Variants in PRKAR2B observed in about 807,000 individuals in gnomAD.
PRKAR2B encodes the protein protein kinase cAMP-dependent type II regulatory subunit beta.
PRKAR2B carries 14 observed loss-of-function variants against 49.9 expected under a neutral mutation model. That is an observed-to-expected ratio of 0.28 (90% CI 0.19 to 0.44). The LOEUF (loss-of-function observed/expected upper bound fraction) is 0.44, where lower values mean the gene tolerates loss of function less well. Among genes scored for constraint, PRKAR2B ranks in the 20% least tolerant of loss-of-function variants. The pLI is 1.00. For missense variants in PRKAR2B, 393 were observed against 537.9 expected (o/e 0.73, Z 2.67); for synonymous variants, 196 against 197.7 (o/e 0.99, Z 0.07).
At chr7:107,154,782 T>A (rs1014110965) in intron 8 of PRKAR2B, among the ~76,000 whole-genome samples, 1 of 152,204 alleles carries the variant, frequency 6.6e-6, no homozygotes, top group Non-Finnish European at 1.5e-5. Context: ...TCAGACTGCA[T>A]CATTGGAGAT....
At chr7:107,058,238 G>A (rs1395224401) in intron 1 of PRKAR2B, among the ~76,000 whole-genome samples, 1 of 152,148 alleles carries the variant, frequency 6.6e-6, no homozygotes, top group African/African-American at 2.4e-5. Flanking sequence ...GAACCTGTAG[G>A]TAGAAGTATT....
At chr7:107,142,428 T>C (rs1795805268) in intron 5 of PRKAR2B, among the ~76,000 whole-genome samples, 1 of 152,200 alleles carries the variant, frequency 6.6e-6, no homozygotes, top group African/African-American at 2.4e-5. Flanking sequence ...ACCTCAGAAA[T>C]GCACCTAAGT....
intron 2 of PRKAR2B, among the ~76,000 whole-genome samples, chr7:107,088,511 C>T (rs555144948): frequency 3.9e-5 from 6 of 152,098 alleles, no homozygotes; most frequent in East Asian, 1.9e-4. Flanking sequence ...ATCATTCTTA[C>T]GTCTTTTGGC....
chr7:107,147,971 A>G (rs920709180), intron 6 of PRKAR2B, among the ~76,000 whole-genome samples: 2 of 152,248 alleles, frequency 1.3e-5, no homozygotes, highest in South Asian at 4.1e-4. Flanking sequence ...CAAAGAGACA[A>G]GACATTTTAC....
At position 107,047,519 on chromosome 7, in the gene PRKAR2B, G is replaced by A. The variant is rs1363194438; in HGVS notation, c.307+2305G>A. Among the ~76,000 whole-genome samples the A allele has an allele frequency of 3.3e-5, 5 of 150,552 alleles. 1 individual carries two copies. The highest frequency in any genetic ancestry group is 3.3e-4 in the Admixed American group (5 of 15,158). On this transcript the variant is annotated intron_variant, in intron 1 of 10. Transcript: ENST00000265717. The stretch of plus-strand genomic sequence containing the variant: ...CTGCAGATCAAGGCCATAGCTTGCC[G>A]ACCCCTGGTTAGAAGAAAAAAAAAA...
At chr7:107,092,866 T>C (rs1019720539) in intron 2 of PRKAR2B, among the ~76,000 whole-genome samples, 1 of 152,176 alleles carries the variant, frequency 6.6e-6, no homozygotes, top group African/African-American at 2.4e-5. Flanking sequence ...ACCTGTTAAA[T>C]ACTTAACTCC....
intron 1 of PRKAR2B, among the ~76,000 whole-genome samples, chr7:107,053,608 C>G (rs1350163337): frequency 6.6e-6 from 1 of 151,136 alleles, no homozygotes; most frequent in African/African-American, 2.4e-5. Flanking sequence ...TTAATTGACT[C>G]AACAGAAGTT....
chr7:107,089,702 C>T (rs1794683848), intron 2 of PRKAR2B, among the ~76,000 whole-genome samples: 1 of 152,174 alleles, frequency 6.6e-6, no homozygotes, highest in Non-Finnish European at 1.5e-5. Context: ...AATTAAAGAT[C>T]TAAGGCCAAC....
intron 2 of PRKAR2B, among the ~76,000 whole-genome samples, chr7:107,111,208 A>C (rs1795165485): frequency 6.6e-6 from 1 of 151,938 alleles, no homozygotes. Context: ...AAGAGTGGGA[A>C]GGACTGTCTC....
chr7:107,097,219 G>C (rs1217913926), intron 2 of PRKAR2B, among the ~76,000 whole-genome samples: 1 of 152,182 alleles, frequency 6.6e-6, no homozygotes, highest in Admixed American at 6.5e-5. Context: ...ATACATTTAG[G>C]ATAGTTAGCT....
Position 107,160,464 on chromosome 7 carries a change from C to T in PRKAR2B, c.*882C>T, listed in dbSNP as rs1293224269. On this transcript the variant is annotated 3_prime_UTR_variant, in exon 11 of 11. Transcript: ENST00000265717. The stretch of plus-strand genomic sequence containing the variant: ...AAGATTTTACACCTAAAAAATCTCT[C>T]CTATCCCAAAAATAATGTGGGATCC... 6.6e-6 allele frequency: 1 copy of T among 152,078 alleles called. No homozygotes were observed. 9.4% of individuals were successfully genotyped at this position (152,078 alleles called of 1,614,324 possible).
At chr7:107,107,074 C>A (rs142856155) in intron 2 of PRKAR2B, among the ~76,000 whole-genome samples, 17 of 152,214 alleles carry the variant, frequency 1.1e-4, no homozygotes, top group Non-Finnish European at 2.4e-4. Context: ...CGGTGGCTCA[C>A]GCCTGTAATC....
chr7:107,085,000 A>G (rs1794590422), intron 2 of PRKAR2B, among the ~76,000 whole-genome samples: 1 of 152,072 alleles, frequency 6.6e-6, no homozygotes, highest in African/African-American at 2.4e-5. Flanking sequence ...GATGCTAACA[A>G]CTGAGGAAGT....
chr7:107,079,462 A>G (rs1055727839), intron 2 of PRKAR2B: 1 of 151,998 alleles, frequency 6.6e-6, no homozygotes, highest in Admixed American at 6.6e-5. Context: ...AAAAACAAAC[A>G]TACCTTATTT....
At chr7:107,074,894 C>A (rs950474187) in intron 2 of PRKAR2B, among the ~76,000 whole-genome samples, 1 of 151,964 alleles carries the variant, frequency 6.6e-6, no homozygotes, top group East Asian at 1.9e-4. Context: ...AAGAAATAAT[C>A]CTGTTGCTTC....
Position 107,044,922 on chromosome 7 carries a change from C to G in PRKAR2B, c.15C>G (p.Ile5Met). 2 of 1,597,952 alleles carry G rather than the reference C, an allele frequency of 1.3e-6. No homozygotes were observed. Among genetic ancestry groups the G allele is most frequent in the Non-Finnish European group, 1.7e-6 (2 of 1,174,668 alleles). The change falls in exon 1 of 11, where the codon ATC (isoleucine) becomes ATG (methionine). Residue 5 changes from isoleucine to methionine, a missense_variant. Ile to Met is a conservative substitution (Grantham distance 10). This residue lies in a region of PRKAR2B where 160 missense variants were observed against 147.6 expected (regional missense o/e 1.08). Coordinates refer to ENST00000265717, the MANE Select transcript of PRKAR2B (RefSeq NM_002736.3). MSIE[I>M]PAGLTELLQG... ...CCGGAGGCAGGATGAGCATCGAGAT[C>G]CCGGCGGGACTGACGGAGCTGCTGC...
chr7:107,124,907 G>T (rs893562528), intron 3 of PRKAR2B, among the ~76,000 whole-genome samples: 1 of 151,976 alleles, frequency 6.6e-6, no homozygotes, highest in African/African-American at 2.4e-5. Flanking sequence ...AGGCTTTGGG[G>T]AGTCATGGGG....
At chr7:107,046,239 T>C (rs1334894377) in intron 1 of PRKAR2B, among the ~76,000 whole-genome samples, 1 of 152,226 alleles carries the variant, frequency 6.6e-6, no homozygotes, top group East Asian at 1.9e-4. Flanking sequence ...TACCATGGAG[T>C]GCAGTGTGCA....
chr7:107,157,000 C>G lies in PRKAR2B; in HGVS notation c.935C>G (p.Ser312Cys). ...QIIAQGDSAD[S>C]FFIVESGEVK... is the part of the protein sequence containing the mutation. Reference sequence around the variant, plus strand: ...TTCCAATAGGGAGATTCGGCTGATTCTTTTTTCATTGTAGAATCTGGAGAA... The same window carrying G: ...TTCCAATAGGGAGATTCGGCTGATTGTTTTTTCATTGTAGAATCTGGAGAA... The change falls in exon 9 of 11, where the codon TCT becomes TGT. Residue 312 changes from serine (S) to cysteine (C), a missense_variant. Ser to Cys is a moderately radical substitution (Grantham distance 112, BLOSUM62 -1). Around this residue, in one of 2 missense-constraint regions of PRKAR2B, gnomAD observed 233 missense variants for 390.4 expected, o/e 0.60. Transcript: ENST00000265717. The G allele has an allele frequency of 2.5e-6, 4 of 1,611,730 alleles. No individual in the cohort carries two copies. The highest frequency in any genetic ancestry group is 3.4e-6 in the Non-Finnish European group (4 of 1,177,962).
Sources: allele counts gnomAD v4.1 joint callset (sites outside exome capture counted in the v4.1 genomes callset), GRCh38; gene constraint gnomAD v4.1.1; regional missense constraint gnomAD v4.1.1; transcripts MANE v1.5; gene names NCBI Gene and HGNC (gene_info 2026-07-23, HGNC 2026-07-21).